The following MAN1B1 variants were observed in gnomAD, a reference collection of about 807,000 sequenced individuals.
MAN1B1 encodes the protein mannosidase alpha class 1B member 1, also known as endoplasmic reticulum mannosyl-oligosaccharide 1,2-alpha-mannosidase.
A neutral mutation model predicts 75.5 loss-of-function variants in MAN1B1; 66 were observed. The observed-to-expected ratio is 0.87, with a 90% CI of 0.72 to 1.07. The LOEUF is 1.07. Among genes scored for constraint, MAN1B1 ranks in the 50% least tolerant of loss-of-function variants. The pLI, the probability that MAN1B1 is intolerant of heterozygous loss-of-function variation, is 0.00. For synonymous variants in MAN1B1, 453 were observed against 382.8 expected (o/e 1.18, Z -2.14); for missense variants, 973 against 912.5 (o/e 1.07, Z -0.85).
chr9:137,108,537 T>G lies in MAN1B1; in HGVS notation c.2046T>G (p.Asp682Glu), dbSNP rs4880091. ...ATGACCCAAACCTGCTCAGCCTGGA[T>G]GCCTACGTGTTCAACACCGAAGCCC... ...FSDDPNLLSL[D>E]AYVFNTEAHP... The change falls in exon 13 of 13, where the codon GAT becomes GAG. Residue 682 changes from aspartate to glutamate, a missense_variant. By Grantham distance (45) the Asp-to-Glu change is conservative. Transcript: ENST00000371589. The G allele has an allele frequency of 6.2e-7, 1 of 1,613,824 alleles. No individual in the cohort carries two copies. The highest frequency in any genetic ancestry group is 8.5e-7 in the Non-Finnish European group (1 of 1,179,980).
rs377580718 is a variant in MAN1B1 at position 137,104,462 on chromosome 9, T to G, written c.1255-1663T>G. 1.3e-4 allele frequency: 35 copies of G among 261,250 alleles called. No homozygotes were observed. In the East Asian group the frequency reaches 2.0e-3, roughly 15 times the overall value. The allele number at this position is 261,250 out of a possible 1,614,324, so 16.2% of individuals were successfully genotyped here. On this transcript the variant is annotated intron_variant, in intron 8 of 12. Coordinates refer to ENST00000371589, the MANE Select transcript of MAN1B1 (RefSeq NM_016219.5). ...GTTGGCCAGACTGGTCTCAAACTCC[T>G]GACCTCGTGATCCACCCGCCTGGGC... is the stretch of plus-strand genomic sequence containing the variant.
intron 3 of MAN1B1, among the ~76,000 whole-genome samples, chr9:137,092,046 C>T (rs1270078074): frequency 6.6e-6 from 1 of 152,210 alleles, no homozygotes; most frequent in African/African-American, 2.4e-5. Flanking sequence ...TACCCCTGTT[C>T]CCAGTCCAAC....
chr9:137,088,354 C>T (rs749783825), intron 2 of MAN1B1, 171 bp downstream of exon 2: 2 of 1,594,848 alleles, frequency 1.3e-6, no homozygotes, highest in Non-Finnish European at 1.7e-6. Context: ...GGCTAGAACA[C>T]AGATGTTAAT....
At chr9:137,093,494 A>G (rs1009050810) in intron 3 of MAN1B1, among the ~76,000 whole-genome samples, 2 of 152,194 alleles carry the variant, frequency 1.3e-5, no homozygotes, top group African/African-American at 4.8e-5. Context: ...AAAGTACAAC[A>G]CTCAAGGTAT....
Position 137,101,523 on chromosome 9 carries a change from C to T in MAN1B1, c.1105C>T (p.Pro369Ser), listed in dbSNP as rs772086046. The change falls in exon 8 of 13, where the codon CCA becomes TCA. Residue 369 changes from proline (P) to serine (S), a missense_variant. Physicochemically the swap from Pro to Ser is moderately conservative, Grantham distance 74. Coordinates refer to ENST00000371589, the MANE Select transcript of MAN1B1 (RefSeq NM_016219.5). ...TCGGCTAATGCCTGCCTTCAGAACA[C>T]CATCCAAGATTCCTTACTCGGATGT... ...GNRLMPAFRT[P>S]SKIPYSDVNI... 1 of 1,613,922 alleles carries T rather than the reference C, an allele frequency of 6.2e-7. No homozygotes were observed. The highest frequency in any genetic ancestry group is 2.2e-5 in the East Asian group (1 of 44,888).
intron 4 of MAN1B1, among the ~76,000 whole-genome samples, chr9:137,096,992 A>G (rs760176268): frequency 1.8e-4 from 27 of 152,208 alleles, no homozygotes; most frequent in Non-Finnish European, 3.2e-4. Context: ...GCTGTGCAGG[A>G]GTGGCCTGAG....
At chr9:137,097,683 T>A in intron 4 of MAN1B1, 145 bp from the exon 5 acceptor site, 3 of 694,392 alleles carry the variant, frequency 4.3e-6, no homozygotes, top group Non-Finnish European at 7.9e-6. Flanking sequence ...GTGTGTTTCC[T>A]GCCACTCAGC....
At chr9:137,103,639 G>T (rs966225037) in intron 8 of MAN1B1, 7 of 441,150 alleles carry the variant, frequency 1.6e-5, no homozygotes, top group African/African-American at 4.1e-5. Context: ...GTGCAGGTCG[G>T]TGTTACACAC....
rs1364201212 is a variant in MAN1B1, at chr9:137,109,111, A to G, written c.*520A>G. The G allele has an allele frequency of 6.6e-6, 3 of 455,048 alleles. No individual in the cohort carries two copies. The highest frequency in any genetic ancestry group is 2.3e-5 in the Admixed American group (1 of 42,564). 28.2% of individuals were successfully genotyped at this position (455,048 alleles called of 1,614,324 possible). A position where few individuals can be genotyped will look rare whatever the true frequency, so the allele number is the denominator to read the frequency against. ...CAGGGGGCTTGGAGGGCTGGACGGCAAGTCCGTCTAGCTCACGGGCCCCTC... is the reference window on the plus strand; with the variant it reads ...CAGGGGGCTTGGAGGGCTGGACGGCGAGTCCGTCTAGCTCACGGGCCCCTC... On this transcript the variant is annotated 3_prime_UTR_variant, in exon 13 of 13. Coordinates refer to ENST00000371589, the MANE Select transcript of MAN1B1 (RefSeq NM_016219.5).
At chr9:137,103,046 G>T in intron 8 of MAN1B1, 1 of 434,568 alleles carries the variant, frequency 2.3e-6, no homozygotes, top group Admixed American at 2.6e-5. Context: ...TCACACTGTT[G>T]CAGGCGTGCA....
In MAN1B1 at chr9:137,096,337, A is replaced by G; in HGVS notation, c.566A>G (p.Gln189Arg). 1.9e-6 allele frequency: 3 copies of G among 1,614,074 alleles called. No homozygotes were observed. The highest frequency in any genetic ancestry group is 2.5e-6 in the Non-Finnish European group (3 of 1,180,032). ...ACCCAGGAGGAGGCCACAAAAAGGC[A>G]AGAAGCCCCTGTGGATCCCCGCCCG... is the stretch of plus-strand genomic sequence containing the variant. ...DGTQEEATKR[Q>R]EAPVDPRPEG... is the part of the protein sequence containing the mutation. Residue 189 changes from glutamine (Q) to arginine (R), a missense_variant, in exon 4 of 13, where the codon CAA (glutamine) becomes CGA (arginine). Gln to Arg is a conservative substitution (Grantham distance 43). Coordinates refer to ENST00000371589, the MANE Select transcript of MAN1B1 (RefSeq NM_016219.5).
chr9:137,097,741 C>T, intron 4 of MAN1B1, 87 bp from the exon 5 acceptor site: 2 of 1,052,782 alleles, frequency 1.9e-6, no homozygotes, highest in Non-Finnish European at 2.9e-6. Context: ...AGGGCTGTGC[C>T]TTGGCCGTGG....
chr9:137,099,108 G>T (rs1830736115), intron 5 of MAN1B1, among the ~76,000 whole-genome samples: 1 of 152,210 alleles, frequency 6.6e-6, no homozygotes, highest in Non-Finnish European at 1.5e-5. Flanking sequence ...GGGATTACAG[G>T]CGGGAGCCAC....
chr9:137,091,792 C>T (rs1454228092), intron 3 of MAN1B1, among the ~76,000 whole-genome samples: 2 of 152,036 alleles, frequency 1.3e-5, no homozygotes, highest in African/African-American at 2.4e-5. Flanking sequence ...TCCCAAAGTG[C>T]TGGGATTACA....
chr9:137,103,007 T>C (rs1830926012), intron 8 of MAN1B1: 1 of 444,998 alleles, frequency 2.2e-6, no homozygotes, highest in Admixed American at 2.4e-5. Context: ...TTCATACTGT[T>C]GCAGGCGTGC....
chr9:137,100,697 G>A (rs1830785474), intron 6 of MAN1B1, among the ~76,000 whole-genome samples: 1 of 152,122 alleles, frequency 6.6e-6, no homozygotes, highest in South Asian at 2.1e-4. Context: ...TCAGTTCACT[G>A]CAGCCTTCGC....
chr9:137,105,591 G>C, intron 8 of MAN1B1: 1 of 313,220 alleles, frequency 3.2e-6, no homozygotes, highest in South Asian at 2.7e-5. Context: ...GGTACCCTGT[G>C]CCCCTCTGTG....
intron 8 of MAN1B1, chr9:137,105,191 T>C (rs999541541): frequency 6.6e-6 from 1 of 152,492 alleles, no homozygotes; most frequent in Non-Finnish European, 1.5e-5. Flanking sequence ...AGATAACAGA[T>C]TGTCATTTTC....
intron 3 of MAN1B1, among the ~76,000 whole-genome samples, chr9:137,092,345 AAAT>A (rs1220376232): frequency 3.3e-5 from 5 of 151,206 alleles, no homozygotes; most frequent in Non-Finnish European, 5.9e-5. Context: ...CTGTCTCAAA[AAAT>A]AATAATAATA....
Sources: allele counts gnomAD v4.1 joint callset (sites outside exome capture counted in the v4.1 genomes callset), GRCh38; gene constraint gnomAD v4.1.1; transcripts MANE v1.5; gene names NCBI Gene and HGNC (gene_info 2026-07-23, HGNC 2026-07-21).